UBE3C: variants seen among roughly 807,000 people sequenced by gnomAD.
UBE3C encodes ubiquitin protein ligase E3C.
In UBE3C, 42 loss-of-function variants were observed where a neutral mutation model predicts 129.4. That is an observed-to-expected ratio of 0.32 (90% CI 0.25 to 0.42). The LOEUF is 0.42. Ranked by LOEUF, UBE3C falls within the 10% of genes least tolerant of loss-of-function variation. UBE3C has a pLI of 1.00. For synonymous variants in UBE3C, 510 were observed against 492.4 expected (o/e 1.04, Z -0.47); for missense variants, 1,049 against 1,319.1 (o/e 0.80, Z 3.17).
rs77471740 is a variant in UBE3C at position 157,171,686 on chromosome 7, ATTT to A, written c.342+1272_342+1274del. 4.6e-3 allele frequency among the ~76,000 whole-genome samples: 170 copies of A among 37,132 alleles called. 2 individuals carry two copies. The highest frequency in any genetic ancestry group is 0.019 in the Middle Eastern group (1 of 54). 24.4% of individuals were successfully genotyped at this position (37,132 alleles called of 152,430 possible). On this transcript the variant is annotated intron_variant, in intron 4 of 22. Coordinates refer to ENST00000348165, the MANE Select transcript of UBE3C (RefSeq NM_014671.3). ...TATATATATATATATATATATATAT[ATTT>A]TTTTTTTTTTTTTTTTTTTTTTTTT...
At chr7:157,265,951 G>A (rs572936377) in intron 22 of UBE3C, among the ~76,000 whole-genome samples, 306 of 152,250 alleles carry the variant, frequency 2.0e-3, no homozygotes, top group South Asian at 4.6e-3. Context: ...GCACAAGCAA[G>A]CCACTTTTCA....
At chr7:157,180,920 C>A (rs1006055044) in intron 6 of UBE3C, among the ~76,000 whole-genome samples, 13 of 152,326 alleles carry the variant, frequency 8.5e-5, no homozygotes, top group Middle Eastern at 6.8e-3. Flanking sequence ...CTGCCAGTGA[C>A]CCTGGGGCTC....
intron 16 of UBE3C, among the ~76,000 whole-genome samples, chr7:157,225,015 T>A (rs1182228400): frequency 6.6e-6 from 1 of 152,048 alleles, no homozygotes; most frequent in Non-Finnish European, 1.5e-5. Flanking sequence ...GTTTAAATTT[T>A]AATTTTATTT....
chr7:157,165,604 G>C (rs1808192489), intron 2 of UBE3C, among the ~76,000 whole-genome samples: 1 of 151,990 alleles, frequency 6.6e-6, no homozygotes, highest in Non-Finnish European at 1.5e-5. Context: ...TTGCCATGTT[G>C]GGCAGGCTAG....
rs940014181 is a variant in UBE3C at position 157,169,031 on chromosome 7, C to T, written c.121-17C>T. On this transcript the variant is annotated splice_polypyrimidine_tract_variant and intron_variant, in intron 2 of 22. Transcript: ENST00000348165. ...ATTCTGACCAATTGCTCCCTCACTCCTCCTTTTATTGTTTAGGAAGAAAGG... is the reference window on the plus strand; with the variant it reads ...ATTCTGACCAATTGCTCCCTCACTCTTCCTTTTATTGTTTAGGAAGAAAGG... The T allele has an allele frequency of 4.3e-6, 7 of 1,609,656 alleles. No individual in the cohort carries two copies. The highest frequency in any genetic ancestry group is 6.0e-6 in the Non-Finnish European group (7 of 1,176,314).
chr7:157,183,164 A>G (rs1295633277), intron 8 of UBE3C, among the ~76,000 whole-genome samples: 2 of 152,266 alleles, frequency 1.3e-5, no homozygotes, highest in East Asian at 3.9e-4. Context: ...GTATTCTACA[A>G]TTCAGTTCAA....
chr7:157,161,793 C>T (rs1808077678), intron 1 of UBE3C, among the ~76,000 whole-genome samples: 1 of 151,980 alleles, frequency 6.6e-6, no homozygotes, highest in Non-Finnish European at 1.5e-5. Context: ...GATTCTAGGC[C>T]AAGCATGGTG....
intron 4 of UBE3C, among the ~76,000 whole-genome samples, chr7:157,174,072 G>A (rs540718754): frequency 6.6e-6 from 1 of 152,182 alleles, no homozygotes; most frequent in South Asian, 2.1e-4. Flanking sequence ...ACACTTAAGA[G>A]GCTATCTTTG....
intron 2 of UBE3C, 67 bp downstream of exon 2, chr7:157,163,930 T>G: frequency 6.9e-7 from 1 of 1,453,612 alleles, no homozygotes; most frequent in Non-Finnish European, 9.6e-7. Context: ...ATGCCTTGGT[T>G]TTACTGTATA....
Position 157,182,279 on chromosome 7 carries a change from A to G in UBE3C, c.942A>G (p.Gly314=). The change falls in exon 8 of 23, where the codon GGA becomes GGG. Residue 314 remains glycine (G), a synonymous_variant. Transcript: ENST00000348165. The part of the protein sequence containing the change: ...IESRCSRKSG[G]APWLFYFVLT... The stretch of plus-strand genomic sequence containing the variant: ...GTAGATGTTCAAGAAAGAGTGGTGG[A>G]GCACCCTGGCTTTTCTATTTCGTTT... The G allele has an allele frequency of 1.9e-6, 3 of 1,614,154 alleles. No homozygotes were observed. The highest frequency in any genetic ancestry group is 1.7e-6 in the Non-Finnish European group (2 of 1,180,032).
At chr7:157,187,392 T>C (rs1309154165) in intron 10 of UBE3C, among the ~76,000 whole-genome samples, 6 of 143,458 alleles carry the variant, frequency 4.2e-5, no homozygotes, top group African/African-American at 1.3e-4. Context: ...TTTTTTTTTT[T>C]CTTCTTCTTC....
chr7:157,248,174 C>G (rs915596798), intron 18 of UBE3C, among the ~76,000 whole-genome samples, 194 bp from the exon 19 acceptor site: 1 of 152,148 alleles, frequency 6.6e-6, no homozygotes, highest in Non-Finnish European at 1.5e-5. Context: ...ATGCTTAGTG[C>G]GTGCATTGAA....
At chr7:157,165,955 T>G (rs552424050) in intron 2 of UBE3C, among the ~76,000 whole-genome samples, 27 of 152,338 alleles carry the variant, frequency 1.8e-4, no homozygotes, top group African/African-American at 6.3e-4. Flanking sequence ...GCTTTTAGAA[T>G]TCAGTCTTTA....
intron 1 of UBE3C, among the ~76,000 whole-genome samples, chr7:157,143,601 G>C (rs975895618): frequency 6.6e-6 from 1 of 152,176 alleles, no homozygotes; most frequent in Admixed American, 6.5e-5. Context: ...GGAGAGGAAA[G>C]TCTGATTGGC....
chr7:157,178,613 T>C, intron 5 of UBE3C, 77 bp from the exon 6 acceptor site: 3 of 1,469,806 alleles, frequency 2.0e-6, no homozygotes, highest in Non-Finnish European at 2.8e-6. Context: ...TTAACCATTG[T>C]CACTGAGAGT....
intron 18 of UBE3C, among the ~76,000 whole-genome samples, chr7:157,235,662 A>G (rs1584809396): frequency 6.6e-6 from 1 of 152,230 alleles, no homozygotes; most frequent in East Asian, 1.9e-4. Context: ...AGTTTATGTA[A>G]GTTATATCTT....
At chr7:157,266,043 G>A (rs911259919) in intron 22 of UBE3C, among the ~76,000 whole-genome samples, 28 of 152,254 alleles carry the variant, frequency 1.8e-4, no homozygotes, top group African/African-American at 6.0e-4. Context: ...GGCCGGGCAC[G>A]GTGGCTCACG....
At chr7:157,190,814 A>G (rs7785599) in intron 10 of UBE3C, among the ~76,000 whole-genome samples, 15,508 of 152,234 alleles carry the variant, frequency 0.1, 903 homozygotes, top group African/African-American at 0.14. Context: ...TTCTAGCACA[A>G]AATACTTTTT....
At chr7:157,202,585 A>C (rs10259021) in intron 11 of UBE3C, among the ~76,000 whole-genome samples, 25,618 of 152,130 alleles carry the variant, frequency 0.17, 2,427 homozygotes, top group East Asian at 0.35. Flanking sequence ...TAAACCTGGA[A>C]GGCGGAGGTT....
Sources: gnomAD v4.1 joint callset for allele counts (sites outside exome capture counted in the v4.1 genomes callset) on GRCh38, gnomAD v4.1.1 for gene constraint, MANE v1.5 for transcripts, NCBI Gene and HGNC (gene_info 2026-07-23, HGNC 2026-07-21) for gene names.